ECHDC1: variants seen among roughly 807,000 people sequenced by gnomAD.
ECHDC1 encodes ethylmalonyl-CoA decarboxylase.
ECHDC1 carries 29 observed loss-of-function variants against 29.7 expected under a neutral mutation model. The ratio of observed to expected loss-of-function variants is 0.98; its 90% CI spans 0.73 to 1.33. The LOEUF is 1.33. ECHDC1 is among the 40% of genes most tolerant of loss of function. The pLI is 0.00. For missense variants in ECHDC1, 328 were observed against 350.0 expected (o/e 0.94, Z 0.50); for synonymous variants, 126 against 123.1 (o/e 1.02, Z -0.15).
intron 2 of ECHDC1, among the ~76,000 whole-genome samples, chr6:127,330,085 T>G (rs1027769448): frequency 6.6e-6 from 1 of 152,194 alleles, no homozygotes; most frequent in African/African-American, 2.4e-5. Flanking sequence ...AAAGGAGAGA[T>G]TACTAAAATC....
In ECHDC1 at chr6:127,288,885, T is replaced by G. The variant is rs1779856895; in HGVS notation, c.*984A>C. ...TGATGGTAAGGCAAATGCAAGTTATTTTTACCATGATTCTCAAATGTGAAT... is the reference window on the plus strand; with the variant it reads ...TGATGGTAAGGCAAATGCAAGTTATGTTTACCATGATTCTCAAATGTGAAT... On this transcript the variant is annotated 3_prime_UTR_variant, in exon 6 of 6. Coordinates refer to ENST00000454859, the MANE Select transcript of ECHDC1 (RefSeq NM_001002030.2). The G allele has an allele frequency of 6.6e-6, 1 of 152,038 alleles. No individual in the cohort carries two copies. Among genetic ancestry groups the G allele is most frequent in the Admixed American group, 6.6e-5 (1 of 15,244 alleles). The allele number at this position is 152,038 out of a possible 1,614,324, so 9.4% of individuals were successfully genotyped here.
intron 5 of ECHDC1, among the ~76,000 whole-genome samples, chr6:127,293,436 G>C (rs1780353204): frequency 6.6e-6 from 1 of 152,068 alleles, no homozygotes; most frequent in East Asian, 1.9e-4. Context: ...TGAAATCCTA[G>C]GATGGCCACT....
intron 5 of ECHDC1, among the ~76,000 whole-genome samples, chr6:127,307,638 C>T (rs1364280153): frequency 9.0e-5 from 2 of 22,222 alleles, no homozygotes; most frequent in Non-Finnish European, 3.4e-4. Flanking sequence ...CAGAGTGATA[C>T]TCTGTCTCAG....
intron 5 of ECHDC1, among the ~76,000 whole-genome samples, chr6:127,297,399 T>C (rs1780696652): frequency 6.6e-6 from 1 of 152,110 alleles, no homozygotes; most frequent in Non-Finnish European, 1.5e-5. Context: ...TAAATCAAGG[T>C]ATTTTCAAAT....
chr6:127,328,290 T>TA (rs1476670217), intron 2 of ECHDC1, among the ~76,000 whole-genome samples: 1 of 152,162 alleles, frequency 6.6e-6, no homozygotes. Flanking sequence ...AAAATAGAGC[T>TA]AAAAAATTCC....
chr6:127,329,262 G>A lies in ECHDC1; in HGVS notation c.220+1547C>T, dbSNP rs566203849. Among the ~76,000 whole-genome samples the A allele has an allele frequency of 3.9e-5, 6 of 152,190 alleles. No homozygotes were observed. In the South Asian group the frequency reaches 1.2e-3, roughly 32 times the overall value. On this transcript the variant is annotated intron_variant, in intron 2 of 5. Coordinates refer to ENST00000454859, the MANE Select transcript of ECHDC1 (RefSeq NM_001002030.2). The stretch of plus-strand genomic sequence containing the variant: ...GACCTTAAAGAGTATCTAACTGAAT[G>A]ATTTTTAAACAAGGGCCTTGAGTGC...
At chr6:127,323,899 T>C (rs142837900) in intron 3 of ECHDC1, among the ~76,000 whole-genome samples, 62 of 152,312 alleles carry the variant, frequency 4.1e-4, no homozygotes, top group East Asian at 3.9e-3. Context: ...AGGAAGATGA[T>C]AGTATTTCTA....
intron 2 of ECHDC1, among the ~76,000 whole-genome samples, chr6:127,330,530 A>G (rs1278566977): frequency 6.6e-6 from 1 of 152,218 alleles, no homozygotes; most frequent in Non-Finnish European, 1.5e-5. Flanking sequence ...CAGTTAATGA[A>G]TTTCGGTGGA....
chr6:127,289,998 T>A lies in ECHDC1; in HGVS notation c.777A>T (p.Lys259Asn). Residue 259 changes from lysine to asparagine, a missense_variant, in exon 6 of 6, where the codon AAA (lysine) becomes AAT (asparagine). Physicochemically the swap from Lys to Asn is moderately conservative, Grantham distance 94 (BLOSUM62 0). Transcript: ENST00000454859. ...GPPEVIRALK[K>N]SVCSGRELYL... The stretch of plus-strand genomic sequence containing the variant: ...ATAGCTCTCTGCCTGAACAAACAGA[T>A]TTTTTCAAAGCTCTAATTACTTCCG... 1 of 1,613,768 alleles carries A rather than the reference T, an allele frequency of 6.2e-7. No individual in the cohort carries two copies. The highest frequency in any genetic ancestry group is 8.5e-7 in the Non-Finnish European group (1 of 1,179,790).
At chr6:127,326,626 C>G in intron 3 of ECHDC1, 1 of 406,464 alleles carries the variant, frequency 2.5e-6, no homozygotes, top group Non-Finnish European at 5.1e-6. Context: ...AAAAAGAAAT[C>G]AATACACTTA....
intron 5 of ECHDC1, among the ~76,000 whole-genome samples, chr6:127,293,057 T>A: frequency 6.6e-6 from 1 of 152,092 alleles, no homozygotes; most frequent in East Asian, 1.9e-4. Flanking sequence ...GATGAAACAA[T>A]GTTATAAGAA....
chr6:127,315,168 C>G (rs756956795), intron 4 of ECHDC1: 1 of 578,184 alleles, frequency 1.7e-6, no homozygotes, highest in Admixed American at 2.2e-5. Context: ...TAAGCTATAG[C>G]CATATTGTAA....
chr6:127,310,720 C>T (rs550621946), intron 5 of ECHDC1, among the ~76,000 whole-genome samples: 10 of 152,242 alleles, frequency 6.6e-5, no homozygotes, highest in East Asian at 1.9e-4. Context: ...GATAAATCAA[C>T]GGCAGAAAGA....
chr6:127,327,452 A>G (rs1308326854), intron 2 of ECHDC1, among the ~76,000 whole-genome samples: 1 of 152,198 alleles, frequency 6.6e-6, no homozygotes, highest in African/African-American at 2.4e-5. Context: ...TAAGAAAACG[A>G]TATGGTAATA....
At chr6:127,331,151 C>CTT (rs35842645) in intron 1 of ECHDC1, 121 bp from the exon 2 acceptor site, 160 of 561,422 alleles carry the variant, frequency 2.8e-4, no homozygotes, top group South Asian at 6.3e-4. Flanking sequence ...TTCCCCATTT[C>CTT]TTTTTTTTTT....
At chr6:127,322,748 G>T (rs905859781) in intron 3 of ECHDC1, among the ~76,000 whole-genome samples, 124 of 151,938 alleles carry the variant, frequency 8.2e-4, no homozygotes, top group African/African-American at 2.9e-3. Flanking sequence ...GATCTAAAGA[G>T]ACAGAAACAA....
intron 5 of ECHDC1, among the ~76,000 whole-genome samples, chr6:127,297,198 A>C (rs967736167): frequency 2.6e-5 from 4 of 152,192 alleles, no homozygotes; most frequent in Admixed American, 6.5e-5. Context: ...ATAATTAATA[A>C]ATATTCATTA....
At chr6:127,291,598 C>A (rs368855996) in intron 5 of ECHDC1, among the ~76,000 whole-genome samples, 1 of 152,108 alleles carries the variant, frequency 6.6e-6, no homozygotes, top group Non-Finnish European at 1.5e-5. Context: ...ACTAAATAAA[C>A]GCCCATGCGT....
chr6:127,303,709 G>A (rs1781232482), intron 5 of ECHDC1, among the ~76,000 whole-genome samples: 1 of 152,218 alleles, frequency 6.6e-6, no homozygotes, highest in African/African-American at 2.4e-5. Flanking sequence ...ATTGATGAAG[G>A]TGGCTACACT....
Sources: allele counts gnomAD v4.1 joint callset (sites outside exome capture counted in the v4.1 genomes callset), GRCh38; gene constraint gnomAD v4.1.1; transcripts MANE v1.5; gene names NCBI Gene and HGNC (gene_info 2026-07-23, HGNC 2026-07-21).